ARL15: variants seen among roughly 807,000 people sequenced by gnomAD.
ARL15 encodes ADP-ribosylation factor-like protein 15.
Under a neutral mutation model 25.2 loss-of-function variants are expected in ARL15, and 19 were observed. The observed-to-expected ratio is 0.75, with a 90% CI of 0.53 to 1.10. ARL15 has a LOEUF of 1.10. Among genes scored for constraint, ARL15 ranks in the 50% least tolerant of loss-of-function variants. The pLI, the probability that ARL15 is intolerant of heterozygous loss-of-function variation, is 0.00. For missense variants in ARL15, 220 were observed against 246.0 expected (o/e 0.89, Z 0.71); for synonymous variants, 94 against 86.8 (o/e 1.08, Z -0.46).
At chr5:54,049,682 C>A (rs749341185) in intron 4 of ARL15, among the ~76,000 whole-genome samples, 1 of 152,020 alleles carries the variant, frequency 6.6e-6, no homozygotes, top group African/African-American at 2.4e-5. Flanking sequence ...CTCACTACAA[C>A]CTCTGCCTCC....
chr5:54,192,536 C>A (rs1290573458), intron 1 of ARL15, among the ~76,000 whole-genome samples: 2 of 151,466 alleles, frequency 1.3e-5, no homozygotes, highest in Non-Finnish European at 2.9e-5. Flanking sequence ...ATGGAAGGAA[C>A]ATGCATCCTT....
chr5:53,911,166 T>C (rs752144764), intron 4 of ARL15, among the ~76,000 whole-genome samples: 5 of 152,188 alleles, frequency 3.3e-5, no homozygotes, highest in African/African-American at 4.8e-5. Context: ...ACTCCAGTTT[T>C]ATCAGAATTG....
chr5:54,260,268 G>A (rs1348477000), intron 1 of ARL15, among the ~76,000 whole-genome samples: 1 of 152,142 alleles, frequency 6.6e-6, no homozygotes, highest in Non-Finnish European at 1.5e-5. Flanking sequence ...CAGCTTCTCT[G>A]TACTAGCAGA....
At chr5:54,104,646 ATTC>A (rs1271521208) in intron 4 of ARL15, among the ~76,000 whole-genome samples, 1 of 152,116 alleles carries the variant, frequency 6.6e-6, no homozygotes, top group African/African-American at 2.4e-5. Context: ...ATTATGCCCT[ATTC>A]TTTTTTAACA....
intron 4 of ARL15, among the ~76,000 whole-genome samples, chr5:53,983,620 T>C (rs1011268066): frequency 2.6e-5 from 4 of 152,212 alleles, no homozygotes; most frequent in African/African-American, 9.6e-5. Context: ...TAATTGTAAA[T>C]TGGTCTACTT....
chr5:54,126,429 T>A (rs1162615503), intron 3 of ARL15, among the ~76,000 whole-genome samples: 2 of 152,252 alleles, frequency 1.3e-5, no homozygotes, highest in Non-Finnish European at 1.5e-5. Flanking sequence ...AGTCATTCTT[T>A]ACCCCTTATC....
intron 4 of ARL15, among the ~76,000 whole-genome samples, chr5:53,999,607 AAAAT>A (rs980106122): frequency 4.6e-5 from 7 of 151,454 alleles, no homozygotes; most frequent in African/African-American, 1.5e-4. Flanking sequence ...AATAAAAATA[AAAAT>A]AAATAAATAA....
intron 4 of ARL15, among the ~76,000 whole-genome samples, chr5:53,889,802 T>G (rs927524824): frequency 1.0e-4 from 15 of 148,424 alleles, no homozygotes; most frequent in African/African-American, 3.7e-4. Context: ...TATGTTCTAG[T>G]TCTGACTGTT....
intron 1 of ARL15, among the ~76,000 whole-genome samples, chr5:54,176,638 C>T (rs1754880985): frequency 6.6e-6 from 1 of 152,090 alleles, no homozygotes; most frequent in Non-Finnish European, 1.5e-5. Context: ...GGCCTCATTC[C>T]CAGGCCAAAC....
chr5:54,042,928 A>T (rs1561199986), intron 4 of ARL15, among the ~76,000 whole-genome samples: 1 of 152,214 alleles, frequency 6.6e-6, no homozygotes, highest in Non-Finnish European at 1.5e-5. Context: ...AGGTTCAAAA[A>T]AAAATAAACC....
At chr5:54,304,668 T>C (rs1477974411) in intron 1 of ARL15, among the ~76,000 whole-genome samples, 2 of 152,192 alleles carry the variant, frequency 1.3e-5, no homozygotes, top group South Asian at 2.1e-4. Flanking sequence ...GATCTGTTTA[T>C]TGTGCTCAGA....
chr5:54,076,241 C>G (rs184082062), intron 4 of ARL15, among the ~76,000 whole-genome samples: 2 of 151,106 alleles, frequency 1.3e-5, no homozygotes, highest in Non-Finnish European at 3.0e-5. Context: ...ACAGTGAAAC[C>G]CCATCTCTAC....
intron 4 of ARL15, among the ~76,000 whole-genome samples, chr5:53,922,241 T>A (rs1467823878): frequency 6.6e-6 from 1 of 152,168 alleles, no homozygotes; most frequent in Non-Finnish European, 1.5e-5. Flanking sequence ...TCAGTTCCGT[T>A]TAGTTCAATT....
intron 4 of ARL15, among the ~76,000 whole-genome samples, chr5:54,070,018 TATGA>T (rs1229184619): frequency 1.3e-5 from 2 of 151,558 alleles, no homozygotes; most frequent in Admixed American, 1.3e-4. Context: ...GTTTTGCCCT[TATGA>T]ATGGAGTAGC....
At chr5:54,273,917 G>T (rs1239602080) in intron 1 of ARL15, among the ~76,000 whole-genome samples, 1 of 152,126 alleles carries the variant, frequency 6.6e-6, no homozygotes, top group East Asian at 1.9e-4. Context: ...AAAATGACCA[G>T]GCAATTCTAA....
chr5:54,217,937 GAA>G (rs3842039), intron 1 of ARL15, among the ~76,000 whole-genome samples: 2 of 151,646 alleles, frequency 1.3e-5, no homozygotes, highest in South Asian at 2.1e-4. Context: ...TTAAAAGGGG[GAA>G]AAAAAATCAC....
chr5:54,250,829 C>G (rs1396278737), intron 1 of ARL15, among the ~76,000 whole-genome samples: 1 of 152,106 alleles, frequency 6.6e-6, no homozygotes, highest in Non-Finnish European at 1.5e-5. Flanking sequence ...CTGGAGAGAT[C>G]TAGACTTACA....
chr5:54,075,337 T>C (rs1302803632), intron 4 of ARL15, among the ~76,000 whole-genome samples: 1 of 152,186 alleles, frequency 6.6e-6, no homozygotes, highest in Admixed American at 6.5e-5. Context: ...TTCTTCATAT[T>C]GAATTACAGA....
chr5:54,247,286 A>G (rs1229419923), intron 1 of ARL15, among the ~76,000 whole-genome samples: 1 of 151,986 alleles, frequency 6.6e-6, no homozygotes, highest in Non-Finnish European at 1.5e-5. Context: ...GAAAGTAGCT[A>G]GGACTGAATT....
Sources: gnomAD v4.1 joint callset for allele counts (sites outside exome capture counted in the v4.1 genomes callset) on GRCh38, gnomAD v4.1.1 for gene constraint, MANE v1.5 for transcripts, NCBI Gene and HGNC (gene_info 2026-07-23, HGNC 2026-07-21) for gene names.